DLC1: variants seen among roughly 807,000 people sequenced by gnomAD.
The protein encoded by DLC1 is rho GTPase-activating protein 7.
Under a neutral mutation model 140.3 loss-of-function variants are expected in DLC1, and 54 were observed. That is an observed-to-expected ratio of 0.38 (90% CI 0.31 to 0.48). DLC1 has a LOEUF of 0.48. DLC1 is among the 20% of genes least tolerant of loss of function. The probability of loss-of-function intolerance (pLI) is 0.96; values close to 1 mark genes in which losing one functional copy is unlikely to be tolerated. For missense variants in DLC1, 2,536 were observed against 1,907.0 expected (o/e 1.33, Z -6.14); for synonymous variants, 986 against 728.1 (o/e 1.35, Z -5.70).
intron 16 of DLC1, among the ~76,000 whole-genome samples, chr8:13,087,604 G>A (rs1483666198): frequency 6.6e-6 from 1 of 152,190 alleles, no homozygotes; most frequent in Admixed American, 6.5e-5. Context: ...TTGTTACAGA[G>A]GGTTTATGTG....
At chr8:13,224,773 G>A (rs574987550) in intron 5 of DLC1, among the ~76,000 whole-genome samples, 4 of 152,232 alleles carry the variant, frequency 2.6e-5, no homozygotes, top group East Asian at 3.9e-4. Context: ...AAGAGTGAGC[G>A]CCTACAGATT....
chr8:13,270,466 C>G (rs188593468), intron 5 of DLC1, among the ~76,000 whole-genome samples: 4 of 152,272 alleles, frequency 2.6e-5, no homozygotes, highest in African/African-American at 4.8e-5. Flanking sequence ...TGCTGCTGCT[C>G]TTTTCCATGT....
intron 12 of DLC1, among the ~76,000 whole-genome samples, chr8:13,093,348 C>G (rs1257086117): frequency 1.3e-5 from 2 of 151,982 alleles, no homozygotes; most frequent in African/African-American, 4.8e-5. Context: ...GTGGGAAAAG[C>G]TGCTAAAATA....
chr8:13,277,896 C>T (rs1175404351), intron 5 of DLC1, among the ~76,000 whole-genome samples: 2 of 152,132 alleles, frequency 1.3e-5, no homozygotes, highest in Admixed American at 6.5e-5. Context: ...ATTTTCAACC[C>T]ACACTGATCT....
At chr8:13,314,489 C>T (rs1832791026) in intron 4 of DLC1, among the ~76,000 whole-genome samples, 1 of 151,898 alleles carries the variant, frequency 6.6e-6, no homozygotes, top group Admixed American at 6.6e-5. Context: ...CACTTAGTCT[C>T]TTAGAAAGCT....
rs551491958 is a variant in DLC1, at chr8:13,322,351, T to A, written c.1315-17049A>T. Among the ~76,000 whole-genome samples the A allele has an allele frequency of 3.4e-3, 515 of 152,314 alleles. 3 individuals carry two copies. Among genetic ancestry groups the A allele is most frequent in the African/African-American group, 0.012 (488 of 41,576 alleles). ...TTGTTTGAAAGCTTCTAACTCTATT[T>A]AAAGTACAAGTATGTTAGGGGCAAG... On this transcript the variant is annotated intron_variant, in intron 4 of 17. Transcript: ENST00000276297.
intron 1 of DLC1, chr8:13,568,071 C>CTT: frequency 8.9e-7 from 1 of 1,127,604 alleles, no homozygotes; most frequent in Non-Finnish European, 1.2e-6. Flanking sequence ...AGAACTTTCA[C>CTT]TTTTTTTTTC....
chr8:13,281,316 G>A (rs1008446830), intron 5 of DLC1, among the ~76,000 whole-genome samples: 11 of 152,130 alleles, frequency 7.2e-5, no homozygotes, highest in Non-Finnish European at 1.5e-4. Flanking sequence ...TTGACCAAAG[G>A]GTCAAATCAA....
At chr8:13,566,808 T>G in intron 1 of DLC1, 1 of 734,344 alleles carries the variant, frequency 1.4e-6, no homozygotes, top group Non-Finnish European at 2.1e-6. Flanking sequence ...CGCCGCATGG[T>G]GGCCAGTCAC....
At chr8:13,295,228 C>T (rs1586085746) in intron 5 of DLC1, among the ~76,000 whole-genome samples, 1 of 152,182 alleles carries the variant, frequency 6.6e-6, no homozygotes, top group Non-Finnish European at 1.5e-5. Context: ...TTAACGTTTA[C>T]ATTAACAAGA....
chr8:13,548,328 G>T (rs914247088), intron 1 of DLC1, among the ~76,000 whole-genome samples: 9 of 151,620 alleles, frequency 5.9e-5, no homozygotes, highest in African/African-American at 2.2e-4. Context: ...AAACTTGACC[G>T]ATATTTATCT....
chr8:13,548,042 C>A (rs1474297288), intron 1 of DLC1, among the ~76,000 whole-genome samples: 2 of 152,024 alleles, frequency 1.3e-5, no homozygotes, highest in South Asian at 4.1e-4. Context: ...ATCTCTGTAT[C>A]TATCAGAATC....
chr8:13,266,493 C>T (rs1197260663), intron 5 of DLC1, among the ~76,000 whole-genome samples: 2 of 152,160 alleles, frequency 1.3e-5, no homozygotes, highest in Non-Finnish European at 2.9e-5. Flanking sequence ...ACCTGTAATT[C>T]CAGCACTTTG....
At position 13,401,655 on chromosome 8, in the gene DLC1, G is replaced by A. The variant is rs186076183; in HGVS notation, c.1024-36C>T. 399 of 1,591,158 alleles carry A rather than the reference G, an allele frequency of 2.5e-4. 1 individual carries two copies. The East Asian group carries it at 7.5e-3, about 30-fold the overall frequency. On this transcript the variant is annotated intron_variant, in intron 2 of 17. Transcript: ENST00000276297. The stretch of plus-strand genomic sequence containing the variant: ...GAACATTTTGTTACTGAATCTGAAA[G>A]GCCATTTCTTAATAAGAATAAAAAG...
intron 4 of DLC1, among the ~76,000 whole-genome samples, chr8:13,390,357 C>G (rs1028878028): frequency 7.2e-5 from 11 of 152,158 alleles, no homozygotes; most frequent in Admixed American, 3.9e-4. Flanking sequence ...TTTCTTTATC[C>G]AGTCTATCAT....
chr8:13,397,203 C>G (rs192904770), intron 3 of DLC1, among the ~76,000 whole-genome samples: 1 of 152,130 alleles, frequency 6.6e-6, no homozygotes, highest in African/African-American at 2.4e-5. Context: ...GGTCTCACTG[C>G]TGACCCTCAA....
At chr8:13,325,004 A>G (rs1248540995) in intron 4 of DLC1, among the ~76,000 whole-genome samples, 3 of 152,260 alleles carry the variant, frequency 2.0e-5, no homozygotes, top group African/African-American at 7.2e-5. Context: ...ATGCTAAAAT[A>G]CGTCCCAAGT....
At chr8:13,336,086 A>G (rs1297985304) in intron 4 of DLC1, among the ~76,000 whole-genome samples, 3 of 152,162 alleles carry the variant, frequency 2.0e-5, no homozygotes, top group Non-Finnish European at 4.4e-5. Flanking sequence ...GCATATTTCT[A>G]AAGGCTCATC....
In DLC1 at chr8:13,362,739, A is replaced by G. The variant is rs185071851; in HGVS notation, c.1314+30814T>C. 6.8e-4 allele frequency among the ~76,000 whole-genome samples: 104 copies of G among 152,330 alleles called. 1 individual carries two copies. In the Middle Eastern group the frequency reaches 0.024, roughly 35 times the overall value. On this transcript the variant is annotated intron_variant, in intron 4 of 17. Transcript: ENST00000276297. The stretch of plus-strand genomic sequence containing the variant: ...CATAATCTCTGTCTCTGGTGTCTGC[A>G]TCAGCCACACTGGCCCCTTCCCGTT...
Sources: allele counts gnomAD v4.1 joint callset (sites outside exome capture counted in the v4.1 genomes callset), GRCh38; gene constraint gnomAD v4.1.1; transcripts MANE v1.5; gene names NCBI Gene and HGNC (gene_info 2026-07-23, HGNC 2026-07-21).